The following DNAH7 variants were observed in gnomAD, a reference collection of about 807,000 sequenced individuals.
DNAH7 encodes axonemal beta dynein heavy chain 7.
In DNAH7, 397 loss-of-function variants were observed where a neutral mutation model predicts 444.6. The observed-to-expected ratio is 0.89, with a 90% CI of 0.82 to 0.97. DNAH7 has a LOEUF of 0.97. Among genes scored for constraint, DNAH7 ranks in the 50% least tolerant of loss-of-function variants. DNAH7 has a pLI of 0.00. For synonymous variants in DNAH7, 1,636 were observed against 1,624.4 expected (o/e 1.01, Z -0.17); for missense variants, 4,902 against 4,800.8 (o/e 1.02, Z -0.62).
At chr2:195,757,551 T>C (rs1030677045) in intron 61 of DNAH7, among the ~76,000 whole-genome samples, 1 of 152,216 alleles carries the variant, frequency 6.6e-6, no homozygotes, top group African/African-American at 2.4e-5. Context: ...CACATTTCAT[T>C]TGCCATCTTC....
In DNAH7 at chr2:195,809,606, T is replaced by C. The variant is rs1574474939; in HGVS notation, c.9888+139A>G. Reference sequence around the variant, plus strand: ...TGTGAAATTTATCCTCCTGATAACATCTTGCCTTAACTATAATAACAAACA... The same window carrying C: ...TGTGAAATTTATCCTCCTGATAACACCTTGCCTTAACTATAATAACAAACA... On this transcript the variant is annotated intron_variant, in intron 52 of 64. Coordinates refer to ENST00000312428, the MANE Select transcript of DNAH7 (RefSeq NM_018897.3). 3 of 738,502 alleles carry C rather than the reference T, an allele frequency of 4.1e-6. No individual in the cohort carries two copies. In the East Asian group the frequency reaches 1.3e-4, roughly 32 times the overall value. The allele number at this position is 738,502 out of a possible 1,614,324, so 45.7% of individuals were successfully genotyped here. A position where few individuals can be genotyped will look rare whatever the true frequency, so the allele number is the denominator to read the frequency against.
intron 19 of DNAH7, among the ~76,000 whole-genome samples, chr2:195,943,338 A>G (rs1381405277): frequency 6.6e-6 from 1 of 152,162 alleles, no homozygotes; most frequent in Non-Finnish European, 1.5e-5. Context: ...TACCGATGTC[A>G]GTCAACTGTC....
chr2:195,833,580 T>C (rs897596890), intron 48 of DNAH7, among the ~76,000 whole-genome samples: 1 of 152,212 alleles, frequency 6.6e-6, no homozygotes, highest in Non-Finnish European at 1.5e-5. Flanking sequence ...ATTTAAAGCA[T>C]GACTAATAAC....
At chr2:195,866,743 TTTTTG>T (rs1390951081) in intron 40 of DNAH7, among the ~76,000 whole-genome samples, 1 of 152,208 alleles carries the variant, frequency 6.6e-6, no homozygotes, top group Non-Finnish European at 1.5e-5. Flanking sequence ...TTTCCATTTC[TTTTTG>T]TTTTTTCTTT....
chr2:195,883,451 T>TCCCCCCCCCC (rs778869268), intron 35 of DNAH7, among the ~76,000 whole-genome samples: 1 of 121,086 alleles, frequency 8.3e-6, no homozygotes, highest in African/African-American at 3.2e-5. Context: ...CAGTCCCCGC[T>TCCCCCCCCCC]CCCCCCCCCC....
intron 5 of DNAH7, among the ~76,000 whole-genome samples, chr2:196,029,254 G>C (rs35793395): frequency 1.1e-5 from 1 of 94,464 alleles, no homozygotes; most frequent in Non-Finnish European, 1.8e-5. Flanking sequence ...AGTAACTTTT[G>C]TTTGTTTGTT....
chr2:195,788,950 T>C (rs189856006), intron 57 of DNAH7, among the ~76,000 whole-genome samples: 26 of 152,306 alleles, frequency 1.7e-4, no homozygotes, highest in African/African-American at 5.3e-4. Flanking sequence ...TTCTCTCCAC[T>C]GAAAGAGTCA....
chr2:195,748,432 T>C (rs1172748024), intron 63 of DNAH7, among the ~76,000 whole-genome samples: 5 of 152,196 alleles, frequency 3.3e-5, no homozygotes, highest in Admixed American at 6.5e-5. Context: ...ACAGATTCAA[T>C]GCTATCCCCA....
chr2:195,891,995 C>T (rs939648873), intron 30 of DNAH7, among the ~76,000 whole-genome samples, 191 bp from the exon 31 acceptor site: 7 of 151,898 alleles, frequency 4.6e-5, no homozygotes, highest in African/African-American at 7.3e-5. Flanking sequence ...TGCTAATTAA[C>T]GATTGAAAAA....
chr2:196,029,176 A>G (rs1293122345), intron 5 of DNAH7, among the ~76,000 whole-genome samples: 2 of 152,236 alleles, frequency 1.3e-5, no homozygotes, highest in Non-Finnish European at 2.9e-5. Context: ...AAGAGAACTC[A>G]GCAGTAACAT....
At chr2:195,875,591 A>G in intron 38 of DNAH7, 84 bp downstream of exon 38, 2 of 1,341,208 alleles carry the variant, frequency 1.5e-6, no homozygotes, top group Non-Finnish European at 2.0e-6. Flanking sequence ...CTGCAACTCA[A>G]AAGAGGATTT....
chr2:195,774,040 C>T (rs985667451), intron 60 of DNAH7, among the ~76,000 whole-genome samples: 1 of 152,182 alleles, frequency 6.6e-6, no homozygotes, highest in Non-Finnish European at 1.5e-5. Context: ...TAATTGTATT[C>T]GCCAACCTGA....
intron 48 of DNAH7, 75 bp downstream of exon 48, chr2:195,834,131 A>G: frequency 6.9e-7 from 1 of 1,439,058 alleles, no homozygotes; most frequent in Admixed American, 2.0e-5. Flanking sequence ...CGCTTGAAAC[A>G]ATCTATACAG....
At chr2:195,991,088 C>T (rs754921271) in intron 12 of DNAH7, among the ~76,000 whole-genome samples, 6 of 150,912 alleles carry the variant, frequency 4.0e-5, no homozygotes, top group Non-Finnish European at 8.8e-5. Context: ...AACAGGTCAC[C>T]CTGTAACAAA....
chr2:195,833,237 A>T (rs182305026), intron 48 of DNAH7, among the ~76,000 whole-genome samples: 199 of 152,334 alleles, frequency 1.3e-3, no homozygotes, highest in Middle Eastern at 0.01. Context: ...AAGAACACCA[A>T]TTAAATGAAT....
At chr2:196,017,211 CA>C (rs1266197152) in intron 9 of DNAH7, among the ~76,000 whole-genome samples, 1 of 152,128 alleles carries the variant, frequency 6.6e-6, no homozygotes, top group Non-Finnish European at 1.5e-5. Flanking sequence ...GACGAGGTTT[CA>C]CCATCTTCGG....
chr2:195,906,441 T>TTTTC (rs1308631088), intron 27 of DNAH7, among the ~76,000 whole-genome samples: 11 of 141,508 alleles, frequency 7.8e-5, no homozygotes, highest in Admixed American at 2.8e-4. Context: ...TTTTAAAATA[T>TTTTC]TTTCTTTCTT....
intron 5 of DNAH7, among the ~76,000 whole-genome samples, chr2:196,046,299 A>G (rs1057063972): frequency 5.3e-5 from 8 of 152,108 alleles, no homozygotes. Flanking sequence ...TGAAATGGGG[A>G]ATTCCAACTG....
intron 59 of DNAH7, among the ~76,000 whole-genome samples, chr2:195,777,459 C>G (rs1004648148): frequency 6.6e-6 from 1 of 152,150 alleles, no homozygotes; most frequent in Non-Finnish European, 1.5e-5. Context: ...ATATTAACTA[C>G]TACTGCTAAT....
Sources: allele counts gnomAD v4.1 joint callset (sites outside exome capture counted in the v4.1 genomes callset), GRCh38; gene constraint gnomAD v4.1.1; transcripts MANE v1.5; gene names NCBI Gene and HGNC (gene_info 2026-07-23, HGNC 2026-07-21).